The following FRMD4B variants were observed in gnomAD, a reference collection of about 807,000 sequenced individuals.
The protein encoded by FRMD4B is FERM domain containing 4B, also known as FERM domain-containing protein 4B.
FRMD4B carries 74 observed loss-of-function variants against 141.5 expected under a neutral mutation model. The ratio of observed to expected loss-of-function variants is 0.52; its 90% CI spans 0.43 to 0.63. The LOEUF is 0.63. Among genes scored for constraint, FRMD4B ranks in the 30% least tolerant of loss-of-function variants. FRMD4B has a pLI of 0.00. For synonymous variants in FRMD4B, 506 were observed against 467.9 expected, an observed-to-expected ratio of 1.08 and a Z score of -1.05; for missense variants, 1,366 against 1,253.4, an observed-to-expected ratio of 1.09 and a Z score of -1.36.
intron 1 of FRMD4B, among the ~76,000 whole-genome samples, chr3:69,333,247 G>GT (rs1232811383): frequency 6.6e-5 from 10 of 152,256 alleles, no homozygotes; most frequent in East Asian, 1.9e-4. Context: ...AAAATCTCTG[G>GT]TTTTTTTGGC....
At chr3:69,389,032 CTTT>C (rs34005688), upstream of FRMD4B, among the ~76,000 whole-genome samples, 8 of 108,772 alleles carry the variant, frequency 7.4e-5, no homozygotes, top group Non-Finnish European at 7.6e-5. Flanking sequence ...TCTTAGTCTA[CTTT>C]TTTTTTTTTT....
At chr3:69,512,663 A>T (rs1706708269) in intron 1 of FRMD4B, among the ~76,000 whole-genome samples, 1 of 152,110 alleles carries the variant, frequency 6.6e-6, no homozygotes, top group Admixed American at 6.6e-5. Context: ...AGGGGAAGGG[A>T]GAAAGAGGAT....
chr3:69,279,244 T>C (rs952931370), intron 5 of FRMD4B, among the ~76,000 whole-genome samples: 1 of 152,210 alleles, frequency 6.6e-6, no homozygotes, highest in African/African-American at 2.4e-5. Context: ...TTTAATTGAA[T>C]GAATGAAGAC....
chr3:69,365,346 A>G (rs998022607), intron 1 of FRMD4B, among the ~76,000 whole-genome samples: 2 of 152,322 alleles, frequency 1.3e-5, no homozygotes, highest in Admixed American at 1.3e-4. Context: ...TAAGAAAGTT[A>G]TGGAAATTGG....
intron 1 of FRMD4B, among the ~76,000 whole-genome samples, chr3:69,370,078 G>T (rs977431501): frequency 6.6e-6 from 1 of 151,214 alleles, no homozygotes. Flanking sequence ...ACTAATAAAG[G>T]CCAGAAATAA....
chr3:69,410,729 A>ATATATATATG (rs1704743599), intron 2 of FRMD4B, among the ~76,000 whole-genome samples: 1 of 77,726 alleles, frequency 1.3e-5, no homozygotes, highest in Non-Finnish European at 2.8e-5. Flanking sequence ...ATAAATAAAT[A>ATATATATATG]TATATATATA....
intron 17 of FRMD4B, among the ~76,000 whole-genome samples, chr3:69,190,406 CT>C (rs59199350): frequency 0.81 from 116,617 of 144,524 alleles, 50,306 homozygotes; most frequent in Non-Finnish European, 0.98. Context: ...AAGAAAAGGC[CT>C]TTTTTTTTTT....
At chr3:69,255,519 T>C (rs1441015387) in intron 5 of FRMD4B, among the ~76,000 whole-genome samples, 1 of 152,052 alleles carries the variant, frequency 6.6e-6, no homozygotes, top group Non-Finnish European at 1.5e-5. Flanking sequence ...CACTCCAGCT[T>C]GGGTGACAAA....
At chr3:69,283,408 A>ACGAAAAAC (rs1553716233) in intron 5 of FRMD4B, among the ~76,000 whole-genome samples, 1 of 141,050 alleles carries the variant, frequency 7.1e-6, no homozygotes, top group Non-Finnish European at 1.5e-5. Context: ...CAACAAACAA[A>ACGAAAAAC]AAACAAAAAA....
chr3:69,250,492 C>T (rs984517273), intron 5 of FRMD4B, among the ~76,000 whole-genome samples: 4 of 152,010 alleles, frequency 2.6e-5, no homozygotes, highest in African/African-American at 9.7e-5. Context: ...TGAGTGTTTT[C>T]CTGGGATAAT....
At chr3:69,542,108 C>A (rs1037094501) in intron 1 of FRMD4B, 1 of 152,052 alleles carries the variant, frequency 6.6e-6, no homozygotes, top group African/African-American at 2.4e-5. Context: ...TCCAAACGTG[C>A]GCGCTGCGCC....
At chr3:69,346,802 G>A (rs1702958269) in intron 1 of FRMD4B, among the ~76,000 whole-genome samples, 1 of 152,090 alleles carries the variant, frequency 6.6e-6, no homozygotes, top group Admixed American at 6.5e-5. Flanking sequence ...GTCACCACCA[G>A]GCCTGCCCTA....
At chr3:69,456,447 G>C (rs546675549) in intron 1 of FRMD4B, among the ~76,000 whole-genome samples, 1 of 152,310 alleles carries the variant, frequency 6.6e-6, no homozygotes, top group South Asian at 2.1e-4. Flanking sequence ...TGACAGTGCA[G>C]TCTATAATAG....
At chr3:69,236,551 A>T (rs1466111209) in intron 7 of FRMD4B, among the ~76,000 whole-genome samples, 1 of 152,124 alleles carries the variant, frequency 6.6e-6, no homozygotes, top group Non-Finnish European at 1.5e-5. Flanking sequence ...TTTGAAAAAC[A>T]CTTTTACATG....
intron 11 of FRMD4B, among the ~76,000 whole-genome samples, chr3:69,207,842 T>C (rs2093038810): frequency 6.6e-6 from 1 of 152,036 alleles, no homozygotes; most frequent in Non-Finnish European, 1.5e-5. Flanking sequence ...GGACATCTGA[T>C]GGTTCTGCCT....
At chr3:69,236,169 T>C (rs997649313) in intron 7 of FRMD4B, among the ~76,000 whole-genome samples, 10 of 152,128 alleles carry the variant, frequency 6.6e-5, no homozygotes, top group Non-Finnish European at 1.3e-4. Flanking sequence ...CATAGCCTAG[T>C]TGTCCCTTAG....
chr3:69,301,027 C>T (rs1238534625), intron 4 of FRMD4B, among the ~76,000 whole-genome samples: 6 of 152,102 alleles, frequency 3.9e-5, no homozygotes, highest in Non-Finnish European at 7.4e-5. Flanking sequence ...TGAGCCACCG[C>T]GCCTGGCTAG....
At chr3:69,178,390 G>A (rs1157737540) in intron 21 of FRMD4B, among the ~76,000 whole-genome samples, 1 of 152,108 alleles carries the variant, frequency 6.6e-6, no homozygotes, top group Admixed American at 6.6e-5. Context: ...AGATGTTAGA[G>A]CTGTGGGGCT....
At chr3:69,510,134 G>T (rs1343175318) in intron 1 of FRMD4B, among the ~76,000 whole-genome samples, 2 of 151,928 alleles carry the variant, frequency 1.3e-5, no homozygotes, top group African/African-American at 4.8e-5. Context: ...GAACAATTTT[G>T]TCTACTTTAA....
Sources: allele counts gnomAD v4.1 joint callset (sites outside exome capture counted in the v4.1 genomes callset), GRCh38; gene constraint gnomAD v4.1.1; transcripts MANE v1.5; gene names NCBI Gene and HGNC (gene_info 2026-07-23, HGNC 2026-07-21).